The following MACROH2A1 variants were observed in gnomAD, a reference collection of about 807,000 sequenced individuals.
MACROH2A1 encodes the protein core histone macro-H2A.1.
In MACROH2A1, 2 loss-of-function variants were observed where a neutral mutation model predicts 31.6. That is an observed-to-expected ratio of 0.06 (90% confidence interval 0.03 to 0.20). MACROH2A1 has a LOEUF of 0.20. Among genes scored for constraint, MACROH2A1 ranks in the 10% least tolerant of loss-of-function variants. The probability of loss-of-function intolerance (pLI) is 1.00; values close to 1 mark genes in which losing one functional copy is unlikely to be tolerated. For synonymous variants in MACROH2A1, 169 were observed against 189.6 expected, an observed-to-expected ratio of 0.89 and a Z score of 0.89; for missense variants, 230 against 474.0, an observed-to-expected ratio of 0.49 and a Z score of 4.78.
intron 1 of MACROH2A1, among the ~76,000 whole-genome samples, chr5:135,392,641 C>T (rs555034525): frequency 6.6e-5 from 10 of 152,296 alleles, no homozygotes; most frequent in African/African-American, 2.4e-4. Flanking sequence ...CAGGTCCATC[C>T]TGCTCTTCAG....
intron 8 of MACROH2A1, among the ~76,000 whole-genome samples, chr5:135,341,449 G>A (rs896430235): frequency 1.2e-4 from 18 of 152,200 alleles, no homozygotes; most frequent in Non-Finnish European, 1.6e-4. Flanking sequence ...GGGTGGCGGC[G>A]GGTGGCGGGC....
chr5:135,383,876 G>A lies in MACROH2A1; in HGVS notation c.172+5046C>T, dbSNP rs139505825. On this transcript the variant is annotated intron_variant, in intron 2 of 8. Coordinates refer to ENST00000511689, the MANE Select transcript of MACROH2A1 (RefSeq NM_138610.3). ...CATTAGCTGGGTTCTGGCCTGAAGCGTCAGTTAGTCTAAGGGAGGTGCACT... is the reference window on the plus strand; with the variant it reads ...CATTAGCTGGGTTCTGGCCTGAAGCATCAGTTAGTCTAAGGGAGGTGCACT... Among the ~76,000 whole-genome samples, 304 of 152,224 alleles carry A rather than the reference G, an allele frequency of 2.0e-3. 2 individuals carry two copies. The highest frequency in any genetic ancestry group is 6.9e-3 in the African/African-American group (286 of 41,526).
At chr5:135,370,492 C>G (rs538306139) in intron 2 of MACROH2A1, among the ~76,000 whole-genome samples, 2 of 152,284 alleles carry the variant, frequency 1.3e-5, no homozygotes, top group Admixed American at 1.3e-4. Flanking sequence ...CAGATGTCAC[C>G]AGGGCCAAAC....
intron 5 of MACROH2A1, chr5:135,353,806 G>A (rs1761867335): frequency 6.6e-6 from 1 of 152,112 alleles, no homozygotes; most frequent in Non-Finnish European, 1.5e-5. Flanking sequence ...TCTTTCTGAA[G>A]AGCCACTGAA....
At chr5:135,370,009 T>C (rs1369831430) in intron 3 of MACROH2A1, 27 bp downstream of exon 3, 1 of 1,413,798 alleles carries the variant, frequency 7.1e-7, no homozygotes, top group African/African-American at 1.4e-5. Flanking sequence ...TGCTCAAACA[T>C]CAGTGGGAGA....
chr5:135,362,426 G>A (rs894541641), intron 4 of MACROH2A1: 2 of 152,170 alleles, frequency 1.3e-5, no homozygotes, highest in African/African-American at 4.8e-5. Context: ...ACTATGTATT[G>A]TTGGCATATA....
chr5:135,352,866 G>T, intron 6 of MACROH2A1, 80 bp downstream of exon 6: 1 of 828,500 alleles, frequency 1.2e-6, no homozygotes, highest in Non-Finnish European at 2.1e-6. Flanking sequence ...TGTAAAGTCT[G>T]GGAAGATGAA....
chr5:135,367,177 C>T (rs943724118), intron 4 of MACROH2A1, among the ~76,000 whole-genome samples: 4 of 152,328 alleles, frequency 2.6e-5, no homozygotes, highest in African/African-American at 9.6e-5. Flanking sequence ...TCCACTTAAA[C>T]CTAGAGATGC....
intron 8 of MACROH2A1, among the ~76,000 whole-genome samples, chr5:135,336,713 C>CA (rs1298679838): frequency 1.3e-5 from 2 of 152,188 alleles, no homozygotes; most frequent in Non-Finnish European, 2.9e-5. Context: ...TGAGAGTGGG[C>CA]AGGTCATTCC....
chr5:135,379,173 G>C (rs2149898472), intron 2 of MACROH2A1, among the ~76,000 whole-genome samples: 1 of 152,176 alleles, frequency 6.6e-6, no homozygotes, highest in East Asian at 1.9e-4. Flanking sequence ...GCTCTGCAGG[G>C]AACGCGCCTT....
chr5:135,360,652 G>T, intron 4 of MACROH2A1, 45 bp from the exon 5 acceptor site: 2 of 1,347,788 alleles, frequency 1.5e-6, no homozygotes, highest in Non-Finnish European at 2.1e-6. Context: ...ACAGACACAG[G>T]CATCCTAATA....
intron 1 of MACROH2A1, among the ~76,000 whole-genome samples, chr5:135,397,768 G>A (rs1768226116): frequency 6.6e-6 from 1 of 152,164 alleles, no homozygotes; most frequent in African/African-American, 2.4e-5. Flanking sequence ...TAACACCTCT[G>A]ACAACAGGCT....
intron 4 of MACROH2A1, among the ~76,000 whole-genome samples, chr5:135,363,863 A>C (rs1286883394): frequency 1.3e-5 from 2 of 152,186 alleles, no homozygotes; most frequent in Admixed American, 1.3e-4. Context: ...AATGATCACC[A>C]TTCTAACTGG....
intron 2 of MACROH2A1, among the ~76,000 whole-genome samples, chr5:135,378,362 G>A (rs1765188214): frequency 6.6e-6 from 1 of 152,116 alleles, no homozygotes; most frequent in Admixed American, 6.5e-5. Context: ...CCCACCTCCT[G>A]CCTGTGCGCT....
At chr5:135,377,586 C>T (rs1765059611) in intron 2 of MACROH2A1, among the ~76,000 whole-genome samples, 1 of 152,138 alleles carries the variant, frequency 6.6e-6, no homozygotes, top group South Asian at 2.1e-4. Context: ...TCGGGCTACA[C>T]ATGTTCATCA....
At chr5:135,367,653 A>C (rs1375417130) in intron 4 of MACROH2A1, among the ~76,000 whole-genome samples, 2 of 152,242 alleles carry the variant, frequency 1.3e-5, no homozygotes, top group African/African-American at 4.8e-5. Context: ...AAGTATCAAC[A>C]GTGAACGCAT....
At chr5:135,344,285 GCT>G (rs1760444478) in intron 7 of MACROH2A1, 1 of 152,140 alleles carries the variant, frequency 6.6e-6, no homozygotes, top group African/African-American at 2.4e-5. Context: ...TGCATGCTAC[GCT>G]TCTATACAAG....
chr5:135,381,884 C>A (rs1012010411), intron 2 of MACROH2A1, among the ~76,000 whole-genome samples: 2 of 152,116 alleles, frequency 1.3e-5, no homozygotes, highest in African/African-American at 4.8e-5. Context: ...ATCTGTGTTC[C>A]ATAAGAAGTG....
chr5:135,339,364 A>C (rs1455901260), intron 8 of MACROH2A1, among the ~76,000 whole-genome samples: 1 of 152,138 alleles, frequency 6.6e-6, no homozygotes, highest in Admixed American at 6.5e-5. Context: ...ACCACATCCC[A>C]GCTCTTCTCA....
Sources: allele counts gnomAD v4.1 joint callset (sites outside exome capture counted in the v4.1 genomes callset), GRCh38; gene constraint gnomAD v4.1.1; transcripts MANE v1.5; gene names NCBI Gene and HGNC (gene_info 2026-07-23, HGNC 2026-07-21).